The following HSPA9 variants were observed in gnomAD, a reference collection of about 807,000 sequenced individuals.
HSPA9 encodes the protein heat shock protein family A (Hsp70) member 9.
HSPA9 carries 28 observed loss-of-function variants against 81.5 expected under a neutral mutation model. That is an observed-to-expected ratio of 0.34 (90% confidence interval 0.25 to 0.47). The LOEUF is 0.47. Among genes scored for constraint, HSPA9 ranks in the 20% least tolerant of loss-of-function variants. The pLI, the probability that HSPA9 is intolerant of heterozygous loss-of-function variation, is 1.00. For synonymous variants in HSPA9, 293 were observed against 290.4 expected (o/e 1.01, Z -0.09); for missense variants, 678 against 838.0 (o/e 0.81, Z 2.36).
intron 5 of HSPA9, among the ~76,000 whole-genome samples, chr5:138,568,042 A>C (rs1003463309): frequency 6.6e-6 from 1 of 152,042 alleles, no homozygotes; most frequent in Non-Finnish European, 1.5e-5. Flanking sequence ...AAAATTATTC[A>C]GGCATGGTGG....
chr5:138,556,450 A>T lies in HSPA9; in HGVS notation c.1962+2T>A. ...AATCAAAATCCACTTCAGCCCTTGTACCTTTTTGTATGCCATTTCGAACAG... is the reference window on the plus strand; with the variant it reads ...AATCAAAATCCACTTCAGCCCTTGTTCCTTTTTGTATGCCATTTCGAACAG... On this transcript the variant is annotated splice_donor_variant, in intron 16 of 16. Coordinates refer to ENST00000297185, the MANE Select transcript of HSPA9 (RefSeq NM_004134.7). LOFTEE classifies it high-confidence loss of function. 1 of 1,613,410 alleles carries T rather than the reference A, an allele frequency of 6.2e-7. No homozygotes were observed.
chr5:138,566,956 T>C, intron 8 of HSPA9, 45 bp downstream of exon 8: 1 of 1,587,952 alleles, frequency 6.3e-7, no homozygotes, highest in African/African-American at 1.3e-5. Context: ...ACAAAGAATT[T>C]CTCAATATCC....
intron 1 of HSPA9, 64 bp from the exon 2 acceptor site, chr5:138,574,190 C>G: frequency 8.8e-7 from 1 of 1,133,918 alleles, no homozygotes; most frequent in Non-Finnish European, 1.3e-6. Flanking sequence ...AAAGAGAAAA[C>G]TTGGGCTCAC....
At chr5:138,567,208 A>G in intron 7 of HSPA9, 45 bp from the exon 8 acceptor site, 2 of 1,493,608 alleles carry the variant, frequency 1.3e-6, no homozygotes, top group Admixed American at 3.8e-5. Flanking sequence ...ATCCTTAAGA[A>G]CAAAACCTAT....
At chr5:138,573,677 CAGGT>C (rs1751006622) in intron 3 of HSPA9, 82 bp downstream of exon 3, 1 of 384,420 alleles carries the variant, frequency 2.6e-6, no homozygotes, top group Non-Finnish European at 5.1e-6. Context: ...AAGCGCAAAT[CAGGT>C]TCTCAAATTC....
rs973462254 is a variant in HSPA9 at position 138,555,429 on chromosome 5, A to G, written c.*608T>C. 6.5e-6 allele frequency: 1 copy of G among 153,560 alleles called. No individual in the cohort carries two copies. The highest frequency in any genetic ancestry group is 2.4e-5 in the African/African-American group (1 of 41,466). The allele number at this position is 153,560 out of a possible 1,614,324, so 9.5% of individuals were successfully genotyped here. A position where few individuals can be genotyped will look rare whatever the true frequency, so the allele number is the denominator to read the frequency against. ...ATGTAGGTGCCAGACACAGGGCAGA[A>G]GGTAGCTAGAAAAGTATGCCTTAGG... On this transcript the variant is annotated 3_prime_UTR_variant, in exon 17 of 17. Transcript: ENST00000297185.
chr5:138,562,105 A>ATTT (rs1315160248), intron 9 of HSPA9, among the ~76,000 whole-genome samples: 52 of 151,044 alleles, frequency 3.4e-4, no homozygotes, highest in Admixed American at 1.6e-3. Context: ...TGCCCAGCTA[A>ATTT]TTTTTGTATT....
At chr5:138,558,890 T>C (rs1210576198) in intron 11 of HSPA9, 1 of 478,088 alleles carries the variant, frequency 2.1e-6, no homozygotes, top group Admixed American at 3.3e-5. Flanking sequence ...GACGCAGCAT[T>C]AGGACAGAAG....
rs1341175787 is a variant in HSPA9 at position 138,557,403 on chromosome 5, T to C, written c.1727A>G (p.Lys576Arg). ...EKYAEEDRRK[K>R]ERVEAVNMAE... is the part of the protein sequence containing the mutation. ...GTTCAGAAGACAAGAAGTAATCACCTTCTTTCGCCGGTCTTCTTCAGCATA... is the reference window on the plus strand; with the variant it reads ...GTTCAGAAGACAAGAAGTAATCACCCTCTTTCGCCGGTCTTCTTCAGCATA... The change falls in exon 14 of 17, where the codon AAG (lysine) becomes AGG (arginine). Residue 576 changes from lysine (K) to arginine (R), a missense_variant and splice_region_variant. Transcript: ENST00000297185. 1 of 1,596,634 alleles carries C rather than the reference T, an allele frequency of 6.3e-7. No homozygotes were observed. The highest frequency in any genetic ancestry group is 1.7e-5 in the Admixed American group (1 of 59,830).
intron 4 of HSPA9, among the ~76,000 whole-genome samples, chr5:138,569,360 G>A (rs1179963007): frequency 6.6e-6 from 1 of 152,132 alleles, no homozygotes; most frequent in Non-Finnish European, 1.5e-5. Context: ...TGATGAAACC[G>A]TTACTGTATG....
Position 138,555,995 on chromosome 5 carries a change from G to C in HSPA9, c.*42C>G. On this transcript the variant is annotated 3_prime_UTR_variant, in exon 17 of 17. Transcript: ENST00000297185. ...GCTCAGGAAGTCTCTTCACTCCTAAGCTTCATATGTTGTCCTTCTGGCTTC... is the reference window on the plus strand; with the variant it reads ...GCTCAGGAAGTCTCTTCACTCCTAACCTTCATATGTTGTCCTTCTGGCTTC... 7.0e-7 allele frequency: 1 copy of C among 1,425,600 alleles called. No individual in the cohort carries two copies. Among genetic ancestry groups the C allele is most frequent in the Non-Finnish European group, 9.9e-7 (1 of 1,009,410 alleles). The allele number at this position is 1,425,600 out of a possible 1,614,324, so 88.3% of individuals were successfully genotyped here. A position where few individuals can be genotyped will look rare whatever the true frequency, so the allele number is the denominator to read the frequency against.
chr5:138,570,077 C>T (rs1750845552), intron 4 of HSPA9, among the ~76,000 whole-genome samples: 1 of 152,014 alleles, frequency 6.6e-6, no homozygotes, highest in Non-Finnish European at 1.5e-5. Flanking sequence ...GGCTTTTCCC[C>T]AAGTTGTCCA....
intron 2 of HSPA9, 22 bp from the exon 3 acceptor site, chr5:138,573,872 G>C: frequency 6.4e-7 from 1 of 1,572,594 alleles, no homozygotes; most frequent in African/African-American, 1.3e-5. Context: ...TTAGAACAGT[G>C]TCACAGCTAT....
At chr5:138,569,737 GACAC>G (rs895698538) in intron 4 of HSPA9, among the ~76,000 whole-genome samples, 1 of 152,002 alleles carries the variant, frequency 6.6e-6, no homozygotes, top group African/African-American at 2.4e-5. Flanking sequence ...TATAGACAGA[GACAC>G]ACACAGTCTT....
intron 9 of HSPA9, among the ~76,000 whole-genome samples, chr5:138,562,756 G>A (rs1750687735): frequency 6.6e-6 from 1 of 152,182 alleles, no homozygotes; most frequent in South Asian, 2.1e-4. Context: ...AATATCCCAT[G>A]TAGGTGAAGA....
Position 138,555,008 on chromosome 5 carries a change from C to G in HSPA9, c.*1029G>C, listed in dbSNP as rs1462340454. ...ATTTCTACTTGGAGCTGAAAGCAAC[C>G]TGAAAATAGCCACCTTGGTTTTCAT... On this transcript the variant is annotated 3_prime_UTR_variant, in exon 17 of 17. Transcript: ENST00000297185. 1 of 152,134 alleles carries G rather than the reference C, an allele frequency of 6.6e-6. No homozygotes were observed. Among genetic ancestry groups the G allele is most frequent in the African/African-American group, 2.4e-5 (1 of 41,416 alleles). The allele number at this position is 152,134 out of a possible 1,614,324, so 9.4% of individuals were successfully genotyped here. A position where few individuals can be genotyped will look rare whatever the true frequency, so the allele number is the denominator to read the frequency against.
In HSPA9 at chr5:138,556,531, T is replaced by G. The variant is rs1418876151; in HGVS notation, c.1883A>C (p.Glu628Ala). The G allele has an allele frequency of 6.2e-7, 1 of 1,614,106 alleles. No homozygotes were observed. The highest frequency in any genetic ancestry group is 1.7e-5 in the Admixed American group (1 of 60,018). ...MRELLARKDSETGENIRQAAS... is the reference protein window; with the variant it reads ...MRELLARKDSATGENIRQAAS... Reference sequence around the variant, plus strand: ...TGCCTGTCTAATATTTTCTCCTGTTTCGCTGTCTTTTCTAGCCAGGAGCTC... The same window carrying G: ...TGCCTGTCTAATATTTTCTCCTGTTGCGCTGTCTTTTCTAGCCAGGAGCTC... The change falls in exon 16 of 17, where the codon GAA becomes GCA. Residue 628 changes from glutamate to alanine, a missense_variant. Glu to Ala is a moderately radical substitution (Grantham distance 107). Transcript: ENST00000297185.
At chr5:138,564,207 G>A (rs979050477) in intron 9 of HSPA9, among the ~76,000 whole-genome samples, 9 of 152,144 alleles carry the variant, frequency 5.9e-5, no homozygotes, top group Non-Finnish European at 1.2e-4. Context: ...GGGTTCAAGC[G>A]ATTCTCCTGC....
intron 12 of HSPA9, among the ~76,000 whole-genome samples, chr5:138,558,194 C>A: frequency 6.6e-6 from 1 of 152,196 alleles, no homozygotes; most frequent in East Asian, 1.9e-4. Context: ...TTAGCTATAG[C>A]AAGTAACCAT....
Sources: gnomAD v4.1 joint callset for allele counts (sites outside exome capture counted in the v4.1 genomes callset) on GRCh38, gnomAD v4.1.1 for gene constraint, MANE v1.5 for transcripts, NCBI Gene and HGNC (gene_info 2026-07-23, HGNC 2026-07-21) for gene names.